SDK1: variants seen among roughly 807,000 people sequenced by gnomAD.
The protein encoded by SDK1 is protein sidekick-1.
In SDK1, 157 loss-of-function variants were observed where a neutral mutation model predicts 245.5. The observed-to-expected ratio is 0.64, with a 90% CI of 0.56 to 0.73. The LOEUF (loss-of-function observed/expected upper bound fraction) is 0.73, where lower values mean the gene tolerates loss of function less well. Among genes scored for constraint, SDK1 ranks in the 30% least tolerant of loss-of-function variants. The pLI is 0.00. For missense variants in SDK1, 3,583 were observed against 3,002.3 expected, an observed-to-expected ratio of 1.19 and a Z score of -4.52; for synonymous variants, 1,647 against 1,278.5, an observed-to-expected ratio of 1.29 and a Z score of -6.15.
chr7:3,362,282 T>C (rs1323189917), intron 1 of SDK1, among the ~76,000 whole-genome samples: 1 of 152,214 alleles, frequency 6.6e-6, no homozygotes, highest in African/African-American at 2.4e-5. Context: ...GAGCTGAGTG[T>C]AAATGCAGAC....
chr7:4,077,911 G>A (rs1780799155), intron 21 of SDK1, among the ~76,000 whole-genome samples: 1 of 152,074 alleles, frequency 6.6e-6, no homozygotes, highest in Non-Finnish European at 1.5e-5. Flanking sequence ...GGTTTAATTG[G>A]GTAAAAATTG....
chr7:4,177,454 G>A (rs1336414758), intron 34 of SDK1, among the ~76,000 whole-genome samples: 1 of 152,216 alleles, frequency 6.6e-6, no homozygotes, highest in Non-Finnish European at 1.5e-5. Context: ...TCTGTGTACA[G>A]CAGCCCACGC....
At chr7:3,529,163 T>C (rs1277610457) in intron 1 of SDK1, among the ~76,000 whole-genome samples, 1 of 152,186 alleles carries the variant, frequency 6.6e-6, no homozygotes, top group Non-Finnish European at 1.5e-5. Context: ...AGTATTAATG[T>C]AAACACATGG....
rs541707716 is a variant in SDK1, at chr7:3,379,698, A to G, written c.298+77814A>G. On this transcript the variant is annotated intron_variant, in intron 1 of 44. Coordinates refer to ENST00000404826, the MANE Select transcript of SDK1 (RefSeq NM_152744.4). ...CGTGGGAGCATTTTACAATGCAAAC[A>G]ATAAATGGAAAAGCATGAATTTATG... Among the ~76,000 whole-genome samples the G allele has an allele frequency of 3.3e-5, 5 of 152,320 alleles. 1 individual carries two copies. Among genetic ancestry groups the G allele is most frequent in the African/African-American group, 1.2e-4 (5 of 41,568 alleles).
chr7:3,624,160 C>G (rs1457215124), intron 2 of SDK1, among the ~76,000 whole-genome samples: 1 of 152,142 alleles, frequency 6.6e-6, no homozygotes, highest in Non-Finnish European at 1.5e-5. Flanking sequence ...AGAATTTTAG[C>G]CTAACATCAG....
chr7:4,178,419 G>A (rs1156802373), intron 34 of SDK1, 66 bp from the exon 35 acceptor site: 7 of 1,192,228 alleles, frequency 5.9e-6, no homozygotes, highest in Non-Finnish European at 8.8e-6. Flanking sequence ...GGTTCATAGG[G>A]GGAACTTTGG....
At chr7:4,063,184 A>T (rs1000462613) in intron 19 of SDK1, among the ~76,000 whole-genome samples, 1 of 152,238 alleles carries the variant, frequency 6.6e-6, no homozygotes, top group Non-Finnish European at 1.5e-5. Flanking sequence ...AGATGACATG[A>T]TCTTGTGTCT....
Position 3,363,833 on chromosome 7 carries a change from C to G in SDK1, c.298+61949C>G, listed in dbSNP as rs150434602. Among the ~76,000 whole-genome samples, 164 of 152,340 alleles carry G rather than the reference C, an allele frequency of 1.1e-3. 1 individual carries two copies. Among genetic ancestry groups the G allele is most frequent in the African/African-American group, 3.8e-3 (156 of 41,574 alleles). On this transcript the variant is annotated intron_variant, in intron 1 of 44. Coordinates refer to ENST00000404826, the MANE Select transcript of SDK1 (RefSeq NM_152744.4). ...AGCCTGGTTCCTAACAGGTCATGGA[C>G]TGGTAACAGTTGTTGGCCTGGGGGT... is the stretch of plus-strand genomic sequence containing the variant.
In SDK1 at chr7:3,303,149, C is replaced by T. The variant is rs556090874; in HGVS notation, c.298+1265C>T. 1.8e-4 allele frequency among the ~76,000 whole-genome samples: 27 copies of T among 152,276 alleles called. No homozygotes were observed. In the East Asian group the frequency reaches 5.2e-3, roughly 29 times the overall value. Reference sequence around the variant, plus strand: ...ATATTTCTGGTTAATTTAACTCCTCCATTACTTGGAAAATTTTCATTTCAC... The same window carrying T: ...ATATTTCTGGTTAATTTAACTCCTCTATTACTTGGAAAATTTTCATTTCAC... On this transcript the variant is annotated intron_variant, in intron 1 of 44. Coordinates refer to ENST00000404826, the MANE Select transcript of SDK1 (RefSeq NM_152744.4).
At chr7:3,477,189 C>CTTTTTTTTT (rs35328849) in intron 1 of SDK1, among the ~76,000 whole-genome samples, 28 of 78,626 alleles carry the variant, frequency 3.6e-4, no homozygotes, top group Non-Finnish European at 4.3e-4. Flanking sequence ...TGGTTTTCTC[C>CTTTTTTTTT]TTTTTTTTTT....
chr7:3,743,588 T>G (rs1021076086), intron 4 of SDK1, among the ~76,000 whole-genome samples: 2 of 152,200 alleles, frequency 1.3e-5, no homozygotes, highest in African/African-American at 4.8e-5. Flanking sequence ...CAGAATACCC[T>G]AGTACCACAA....
intron 4 of SDK1, among the ~76,000 whole-genome samples, chr7:3,805,352 T>G (rs774092358): frequency 2.0e-5 from 3 of 152,232 alleles, no homozygotes; most frequent in Admixed American, 6.5e-5. Context: ...TTTTCCTTTC[T>G]GACTTGAATG....
intron 4 of SDK1, among the ~76,000 whole-genome samples, chr7:3,689,660 G>A (rs1784388901): frequency 6.6e-6 from 1 of 152,090 alleles, no homozygotes; most frequent in African/African-American, 2.4e-5. Context: ...ATTTTACTAG[G>A]CCTCAGATTT....
Position 3,363,343 on chromosome 7 carries a change from C to T in SDK1, c.298+61459C>T, listed in dbSNP as rs562667184. On this transcript the variant is annotated intron_variant, in intron 1 of 44. Transcript: ENST00000404826. ...AGTAGTGTTCCATGGAAACTGTGTA[C>T]CACAGATTGTTTAACCATTCACCTA... is the stretch of plus-strand genomic sequence containing the variant. 3.9e-5 allele frequency among the ~76,000 whole-genome samples: 6 copies of T among 151,958 alleles called. No individual in the cohort carries two copies. The South Asian group carries it at 1.3e-3, about 32-fold the overall frequency.
chr7:3,401,430 G>A (rs1004138792), intron 1 of SDK1, among the ~76,000 whole-genome samples: 1 of 152,158 alleles, frequency 6.6e-6, no homozygotes, highest in Non-Finnish European at 1.5e-5. Flanking sequence ...TTTATTCAAA[G>A]ACTTTTTGAG....
At chr7:3,404,877 G>A (rs573172366) in intron 1 of SDK1, among the ~76,000 whole-genome samples, 1 of 152,286 alleles carries the variant, frequency 6.6e-6, no homozygotes, top group South Asian at 2.1e-4. Flanking sequence ...TTTGTGCTCT[G>A]TAATGTATAT....
At chr7:4,109,755 G>A (rs1242619142) in intron 22 of SDK1, among the ~76,000 whole-genome samples, 2 of 152,204 alleles carry the variant, frequency 1.3e-5, no homozygotes, top group Non-Finnish European at 2.9e-5. Flanking sequence ...AGAGGGACGT[G>A]GTCAGCTTGG....
Position 4,130,075 on chromosome 7 carries a change from C to G in SDK1, c.4107C>G (p.Ile1369Met). 1 of 1,607,932 alleles carries G rather than the reference C, an allele frequency of 6.2e-7. No individual in the cohort carries two copies. Among genetic ancestry groups the G allele is most frequent in the Non-Finnish European group, 8.5e-7 (1 of 1,176,078 alleles). The change falls in exon 27 of 45, where the codon ATC becomes ATG. Residue 1369 changes from isoleucine to methionine, a missense_variant. Coordinates refer to ENST00000404826, the MANE Select transcript of SDK1 (RefSeq NM_152744.4). Reference sequence around the variant, plus strand: ...ACGGGGTCCCCAGCACGCCCCTCATCCTGGAGCGCACCAAAGACGATGGTA... The same window carrying G: ...ACGGGGTCCCCAGCACGCCCCTCATGCTGGAGCGCACCAAAGACGATGGTA... ...IGNGVPSTPLILERTKDDAPG... is the reference protein window; with the variant it reads ...IGNGVPSTPLMLERTKDDAPG...
At chr7:3,643,174 A>C (rs1453829738) in intron 4 of SDK1, 1 of 151,328 alleles carries the variant, frequency 6.6e-6, no homozygotes, top group East Asian at 2.0e-4. Context: ...GCATCTGTGG[A>C]ATCCCTTCCT....
Sources: gnomAD v4.1 joint callset for allele counts (sites outside exome capture counted in the v4.1 genomes callset) on GRCh38, gnomAD v4.1.1 for gene constraint, MANE v1.5 for transcripts, NCBI Gene and HGNC (gene_info 2026-07-23, HGNC 2026-07-21) for gene names.